Variants in HEATR5A observed in about 807,000 individuals in gnomAD.
HEATR5A encodes HEAT repeat-containing protein 5A.
Under a neutral mutation model 218.8 loss-of-function variants are expected in HEATR5A, and 178 were observed. The observed-to-expected ratio is 0.81, with a 90% CI of 0.72 to 0.92. The LOEUF is 0.92. HEATR5A is among the 40% of genes least tolerant of loss of function. HEATR5A has a pLI of 0.00. For missense variants in HEATR5A, 2,420 were observed against 2,418.9 expected (o/e 1.00, Z -0.01); for synonymous variants, 864 against 871.6 (o/e 0.99, Z 0.15).
intron 11 of HEATR5A, among the ~76,000 whole-genome samples, chr14:31,376,699 A>G (rs1297306874): frequency 3.9e-5 from 6 of 152,208 alleles, no homozygotes; most frequent in African/African-American, 1.4e-4. Flanking sequence ...AGGAATGAAC[A>G]TGTTTTGTGT....
chr14:31,294,656 C>T (rs1477833386), intron 34 of HEATR5A, among the ~76,000 whole-genome samples: 2 of 152,072 alleles, frequency 1.3e-5, no homozygotes, highest in Non-Finnish European at 2.9e-5. Flanking sequence ...AGTGATCCAC[C>T]TGCCTTGGCC....
intron 1 of HEATR5A, among the ~76,000 whole-genome samples, chr14:31,412,517 CAAA>C (rs34167257): frequency 1.6e-4 from 21 of 134,988 alleles, no homozygotes; most frequent in Non-Finnish European, 2.1e-4. Flanking sequence ...GACTCCATCT[CAAA>C]AAAAAAAAAA....
chr14:31,352,256 T>C (rs1566764713), intron 16 of HEATR5A, among the ~76,000 whole-genome samples: 2 of 152,362 alleles, frequency 1.3e-5, no homozygotes, highest in South Asian at 4.1e-4. Flanking sequence ...ATTATCTTGA[T>C]GGCAGGAAGC....
intron 1 of HEATR5A, among the ~76,000 whole-genome samples, chr14:31,403,499 C>A (rs998339510): frequency 2.5e-4 from 38 of 152,170 alleles, no homozygotes; most frequent in African/African-American, 8.9e-4. Context: ...TAGGTACATG[C>A]CCTGTCATTT....
At chr14:31,362,630 A>AAAAT (rs1414334187) in intron 14 of HEATR5A, among the ~76,000 whole-genome samples, 1 of 149,382 alleles carries the variant, frequency 6.7e-6, no homozygotes, top group Non-Finnish European at 1.5e-5. Flanking sequence ...AAAAAAAAAA[A>AAAAT]ACTAGCTGGG....
chr14:31,306,922 A>T, intron 30 of HEATR5A, 43 bp from the exon 31 acceptor site: 1 of 1,454,162 alleles, frequency 6.9e-7, no homozygotes, highest in African/African-American at 1.4e-5. Flanking sequence ...TAGAAATTAT[A>T]CATTTCTTTT....
chr14:31,344,265 A>ATTTTTTTTTTTTTTT (rs1245011736), intron 20 of HEATR5A, among the ~76,000 whole-genome samples, 200 bp from the exon 21 acceptor site: 2 of 54,920 alleles, frequency 3.6e-5, no homozygotes, highest in Non-Finnish European at 4.6e-5. Flanking sequence ...TAGATTAGTT[A>ATTTTTTTTTTTTTTT]TTCTTTTTTT....
chr14:31,362,322 G>C (rs528464340), intron 14 of HEATR5A, among the ~76,000 whole-genome samples: 4 of 151,546 alleles, frequency 2.6e-5, no homozygotes, highest in African/African-American at 7.3e-5. Flanking sequence ...GTCTCCTAAT[G>C]AACACTGTGG....
At chr14:31,328,612 G>A (rs1431195510) in intron 22 of HEATR5A, among the ~76,000 whole-genome samples, 3 of 152,178 alleles carry the variant, frequency 2.0e-5, no homozygotes, top group African/African-American at 7.2e-5. Context: ...AGGCACAGTG[G>A]CTCACGCCCA....
At chr14:31,375,465 G>T (rs1206736636) in intron 11 of HEATR5A, among the ~76,000 whole-genome samples, 1 of 152,128 alleles carries the variant, frequency 6.6e-6, no homozygotes. Context: ...CATGATCACA[G>T]CTCACTGCAA....
intron 27 of HEATR5A, among the ~76,000 whole-genome samples, chr14:31,314,343 C>T (rs1344893435): frequency 6.6e-6 from 1 of 152,060 alleles, no homozygotes; most frequent in Non-Finnish European, 1.5e-5. Context: ...ACCTCTGCCT[C>T]CCGGGTTCAA....
At chr14:31,314,207 C>A (rs1030475743) in intron 27 of HEATR5A, among the ~76,000 whole-genome samples, 3 of 152,088 alleles carry the variant, frequency 2.0e-5, no homozygotes, top group African/African-American at 7.2e-5. Context: ...CTCAGCCTCC[C>A]AAAGTGCTGG....
chr14:31,359,189 C>T lies in HEATR5A; in HGVS notation c.2072-132G>A, dbSNP rs908960597. ...ATATCACAGCCAAAAGACTGTATTTCTCATCCTTGAAAACTGCCCTAGAAA... is the reference window on the plus strand; with the variant it reads ...ATATCACAGCCAAAAGACTGTATTTTTCATCCTTGAAAACTGCCCTAGAAA... On this transcript the variant is annotated intron_variant, in intron 14 of 35. Coordinates refer to ENST00000543095, the MANE Select transcript of HEATR5A (RefSeq NM_015473.4). The T allele has an allele frequency of 2.6e-5, 22 of 855,392 alleles. No homozygotes were observed. In the African/African-American group the frequency reaches 3.8e-4, roughly 15 times the overall value. The allele number at this position is 855,392 out of a possible 1,614,324, so 53.0% of individuals were successfully genotyped here.
chr14:31,357,146 T>C (rs932962018), intron 16 of HEATR5A, among the ~76,000 whole-genome samples: 24 of 152,226 alleles, frequency 1.6e-4, no homozygotes, highest in Non-Finnish European at 3.1e-4. Context: ...CATAACCTTA[T>C]AGTTACAGTA....
Position 31,295,891 on chromosome 14 carries a change from C to T in HEATR5A, c.5619+18G>A. 1 of 1,609,104 alleles carries T rather than the reference C, an allele frequency of 6.2e-7. No homozygotes were observed. Among genetic ancestry groups the T allele is most frequent in the Non-Finnish European group, 8.5e-7 (1 of 1,176,714 alleles). On this transcript the variant is annotated intron_variant, in intron 34 of 35. Transcript: ENST00000543095. The stretch of plus-strand genomic sequence containing the variant: ...CCATTGTCCTATTACATACATCTTT[C>T]TGCTAAAAGACACTTACCACAGGAT...
intron 9 of HEATR5A, 53 bp downstream of exon 9, chr14:31,386,367 G>A: frequency 7.0e-7 from 1 of 1,420,650 alleles, no homozygotes; most frequent in Non-Finnish European, 9.6e-7. Context: ...TCCTTCCTTG[G>A]AACAAAGTTA....
At chr14:31,352,512 T>C (rs1485028238) in intron 16 of HEATR5A, among the ~76,000 whole-genome samples, 5 of 152,170 alleles carry the variant, frequency 3.3e-5, no homozygotes, top group African/African-American at 4.8e-5. Context: ...GTCCTGTAAA[T>C]GGCAATTTTA....
chr14:31,321,669 C>A lies in HEATR5A; in HGVS notation c.3799G>T (p.Val1267Leu), dbSNP rs560907534. The A allele has an allele frequency of 2.8e-5, 45 of 1,582,482 alleles. No homozygotes were observed. Among genetic ancestry groups the A allele is most frequent in the African/African-American group, 4.1e-5 (3 of 73,324 alleles). ...KKRDSRNDFL[V>L]LHLADLIRMA... ...CGAATTAAGTCAGCAAGATGCAGTA[C>A]CAAAAAGTCATCTATAAGATTAAAA... The change falls in exon 25 of 36, where the codon GTA becomes TTA. Residue 1267 changes from valine to leucine, a missense_variant. Transcript: ENST00000543095.
In HEATR5A at chr14:31,366,453, G is replaced by A. The variant is rs554145823; in HGVS notation, c.1962-2155C>T. On this transcript the variant is annotated intron_variant, in intron 13 of 35. Transcript: ENST00000543095. ...ATTATATTTCTAAAAATCCTGCAAC[G>A]TTCACTTATTTTAACTATAATAAAA... is the stretch of plus-strand genomic sequence containing the variant. 1.1e-3 allele frequency among the ~76,000 whole-genome samples: 166 copies of A among 152,106 alleles called. 3 individuals are homozygous for A. The South Asian group carries it at 0.028, about 25-fold the overall frequency.
Sources: allele counts gnomAD v4.1 joint callset (sites outside exome capture counted in the v4.1 genomes callset), GRCh38; gene constraint gnomAD v4.1.1; transcripts MANE v1.5; gene names NCBI Gene and HGNC (gene_info 2026-07-23, HGNC 2026-07-21).